FIG4: variants seen among roughly 807,000 people sequenced by gnomAD.
The protein encoded by FIG4 is polyphosphoinositide phosphatase.
In FIG4, 112 loss-of-function variants were observed where a neutral mutation model predicts 118.6. The observed-to-expected ratio is 0.94, with a 90% confidence interval of 0.81 to 1.11. The LOEUF (loss-of-function observed/expected upper bound fraction) is 1.11. Among genes scored for constraint, FIG4 ranks in the 50% least tolerant of loss-of-function variants. The pLI is 0.00. For missense variants in FIG4, 969 were observed against 1,111.7 expected, an observed-to-expected ratio of 0.87 and a Z score of 1.83; for synonymous variants, 369 against 381.2, an observed-to-expected ratio of 0.97 and a Z score of 0.37.
intron 10 of FIG4, among the ~76,000 whole-genome samples, chr6:109,751,762 A>G (rs377509337): frequency 4.1e-5 from 6 of 145,488 alleles, no homozygotes; most frequent in Non-Finnish European, 7.6e-5. Flanking sequence ...GTGATGATCT[A>G]CCCTTTAACA....
chr6:109,768,821 G>A (rs1482773118), intron 15 of FIG4, among the ~76,000 whole-genome samples: 1 of 152,074 alleles, frequency 6.6e-6, no homozygotes, highest in Non-Finnish European at 1.5e-5. Context: ...ATTTCCTAGG[G>A]CTGCTGTATC....
At chr6:109,724,923 T>C (rs1480158069) in intron 3 of FIG4, among the ~76,000 whole-genome samples, 1 of 152,022 alleles carries the variant, frequency 6.6e-6, no homozygotes. Flanking sequence ...GTTAACTGTA[T>C]GCATCTTGTG....
At position 109,792,571 on chromosome 6, in the gene FIG4, TTA is replaced by T; in HGVS notation, c.2377-10_2377-9del. 1 of 1,543,758 alleles carries T rather than the reference TTA, an allele frequency of 6.5e-7. No homozygotes were observed. Among genetic ancestry groups the T allele is most frequent in the Non-Finnish European group, 8.9e-7 (1 of 1,120,110 alleles). ...TCTTCCTGGTTCTTCTTTTTTTTTTTTAAACCCCAGAATGTGGTCCAACCCAT... is the reference window on the plus strand; with the variant it reads ...TCTTCCTGGTTCTTCTTTTTTTTTTTAACCCCAGAATGTGGTCCAACCCAT... On this transcript the variant is annotated splice_polypyrimidine_tract_variant and intron_variant, in intron 20 of 22. Transcript: ENST00000230124.
intron 4 of FIG4, among the ~76,000 whole-genome samples, chr6:109,729,208 T>G (rs1483578445): frequency 6.6e-6 from 1 of 152,174 alleles, no homozygotes; most frequent in Non-Finnish European, 1.5e-5. Flanking sequence ...GTTCACCACA[T>G]TAAAATATTG....
rs1189598588 is a variant in FIG4 at position 109,756,189 on chromosome 6, C to CTG, written c.1138-4060_1138-4059insGT. On this transcript the variant is annotated intron_variant, in intron 10 of 22. Coordinates refer to ENST00000230124, the MANE Select transcript of FIG4 (RefSeq NM_014845.6). ...TGTAAAGTATTTTATTTCTCCTTTA[C>CTG]TTATGAAGCTTAGTTTGGCTGGATA... Among the ~76,000 whole-genome samples the CTG allele has an allele frequency of 7.6e-3, 1,148 of 152,040 alleles. 22 individuals are homozygous for CTG. The highest frequency in any genetic ancestry group is 0.024 in the African/African-American group (1,013 of 41,420).
At chr6:109,716,399 C>A in intron 2 of FIG4, 46 bp from the exon 3 acceptor site, 1 of 1,604,632 alleles carries the variant, frequency 6.2e-7, no homozygotes, top group Non-Finnish European at 8.5e-7. Flanking sequence ...AATAAATAAT[C>A]TAAAGTTTAA....
At chr6:109,724,505 C>G (rs1232566187) in intron 3 of FIG4, among the ~76,000 whole-genome samples, 1 of 152,170 alleles carries the variant, frequency 6.6e-6, no homozygotes, top group Non-Finnish European at 1.5e-5. Context: ...TGAGGTTGTT[C>G]TCTACAGCAC....
At chr6:109,733,546 T>C (rs1046621780) in intron 5 of FIG4, among the ~76,000 whole-genome samples, 3 of 152,072 alleles carry the variant, frequency 2.0e-5, no homozygotes, top group Admixed American at 1.3e-4. Context: ...AAAAATTATT[T>C]TAAATTATTA....
chr6:109,752,078 AAC>A (rs1297991311), intron 10 of FIG4, among the ~76,000 whole-genome samples: 1 of 145,820 alleles, frequency 6.9e-6, no homozygotes, highest in Non-Finnish European at 1.5e-5. Flanking sequence ...TATGAGTGAG[AAC>A]ATGCGGTGTT....
At chr6:109,771,386 C>A (rs1777454499) in intron 15 of FIG4, among the ~76,000 whole-genome samples, 1 of 151,922 alleles carries the variant, frequency 6.6e-6, no homozygotes, top group African/African-American at 2.4e-5. Context: ...AACTACAACA[C>A]CTCAGTCTCA....
At chr6:109,799,931 G>T (rs1254964903) in intron 22 of FIG4, among the ~76,000 whole-genome samples, 1 of 152,180 alleles carries the variant, frequency 6.6e-6, no homozygotes, top group African/African-American at 2.4e-5. Flanking sequence ...GAGTGTAGGG[G>T]TGGTGATCAG....
At chr6:109,760,640 A>C (rs1187040948) in intron 11 of FIG4, among the ~76,000 whole-genome samples, 1 of 152,122 alleles carries the variant, frequency 6.6e-6, no homozygotes, top group Non-Finnish European at 1.5e-5. Flanking sequence ...TAAAGGCATT[A>C]GTTTTGCTTT....
At chr6:109,780,538 T>C (rs776468599) in intron 16 of FIG4, among the ~76,000 whole-genome samples, 7 of 152,194 alleles carry the variant, frequency 4.6e-5, no homozygotes, top group Non-Finnish European at 1.0e-4. Flanking sequence ...GGAGATAACA[T>C]TCCCTAGTTT....
chr6:109,735,431 A>T (rs1243477607), intron 6 of FIG4, 133 bp downstream of exon 6: 7 of 826,014 alleles, frequency 8.5e-6, no homozygotes, highest in Non-Finnish European at 1.2e-5. Context: ...GTTGTTTTGG[A>T]TATGTGAAGT....
intron 3 of FIG4, 87 bp downstream of exon 3, chr6:109,716,655 A>G: frequency 6.8e-7 from 1 of 1,460,964 alleles, no homozygotes; most frequent in East Asian, 2.3e-5. Flanking sequence ...TTATAAGGCT[A>G]TAAGGCTTTA....
Position 109,725,872 on chromosome 6 carries a change from T to C in FIG4, c.290-1237T>C, listed in dbSNP as rs555811920. 1.9e-3 allele frequency among the ~76,000 whole-genome samples: 288 copies of C among 152,348 alleles called. 2 individuals carry two copies. Among genetic ancestry groups the C allele is most frequent in the Non-Finnish European group, 3.2e-3 (218 of 68,028 alleles). On this transcript the variant is annotated intron_variant, in intron 3 of 22. Coordinates refer to ENST00000230124, the MANE Select transcript of FIG4 (RefSeq NM_014845.6). ...AAGTGATGATGAGCTTTTTTTCATATATTTGTTGGTTGCATAAATGTCTTC... is the reference window on the plus strand; with the variant it reads ...AAGTGATGATGAGCTTTTTTTCATACATTTGTTGGTTGCATAAATGTCTTC...
intron 3 of FIG4, among the ~76,000 whole-genome samples, chr6:109,722,960 C>T (rs1775654680): frequency 6.7e-6 from 1 of 149,392 alleles, no homozygotes; most frequent in South Asian, 2.1e-4. Flanking sequence ...GGAGCCCTGC[C>T]TTCTTGGCGG....
At chr6:109,739,656 C>T (rs1776264798) in intron 7 of FIG4, among the ~76,000 whole-genome samples, 1 of 152,162 alleles carries the variant, frequency 6.6e-6, no homozygotes, top group Admixed American at 6.6e-5. Flanking sequence ...AAACCAGTCA[C>T]TTTGTCCAGC....
At chr6:109,739,519 C>G (rs1445153118) in intron 7 of FIG4, among the ~76,000 whole-genome samples, 5 of 152,050 alleles carry the variant, frequency 3.3e-5, no homozygotes, top group African/African-American at 9.7e-5. Context: ...TAGTTTTATT[C>G]TCTTTAGACA....
Sources: allele counts gnomAD v4.1 joint callset (sites outside exome capture counted in the v4.1 genomes callset), GRCh38; gene constraint gnomAD v4.1.1; transcripts MANE v1.5; gene names NCBI Gene and HGNC (gene_info 2026-07-23, HGNC 2026-07-21).